The following LOC128462377 variants were observed in gnomAD, a reference collection of about 807,000 sequenced individuals.
chr16:89,317,884 C>T, the LOC128462377 span, among the ~76,000 whole-genome samples: 1 of 152,194 alleles, frequency 6.6e-6, no homozygotes, highest in East Asian at 1.9e-4. Context: ...CCCATGCAAC[C>T]CAATCACCTT....
At chr16:89,417,236 G>A in the LOC128462377 span, among the ~76,000 whole-genome samples, 1 of 152,180 alleles carries the variant, frequency 6.6e-6, no homozygotes, top group African/African-American at 2.4e-5. Flanking sequence ...TGAAGCTCCC[G>A]AAAGAAGCTG....
the LOC128462377 span, among the ~76,000 whole-genome samples, chr16:89,338,267 T>C: frequency 6.6e-6 from 1 of 152,042 alleles, no homozygotes; most frequent in African/African-American, 2.4e-5. Context: ...CGCCACACTG[T>C]GTCCTCCAGG....
At chr16:89,390,758 A>G in the LOC128462377 span, among the ~76,000 whole-genome samples, 1 of 152,208 alleles carries the variant, frequency 6.6e-6, no homozygotes, top group East Asian at 1.9e-4. Context: ...AATCTTTCAA[A>G]AACAATGCTG....
chr16:89,358,866 C>A, the LOC128462377 span, among the ~76,000 whole-genome samples: 1 of 152,030 alleles, frequency 6.6e-6, no homozygotes, highest in African/African-American at 2.4e-5. Flanking sequence ...CCCTCTGCTG[C>A]CCAGGCTGGA....
the LOC128462377 span, among the ~76,000 whole-genome samples, chr16:89,354,711 G>A: frequency 1.4e-4 from 21 of 152,284 alleles, no homozygotes; most frequent in Non-Finnish European, 2.4e-4. Context: ...GTGAAACCAC[G>A]TCTCTACTAA....
At chr16:89,384,879 C>CTTTTT in the LOC128462377 span, among the ~76,000 whole-genome samples, 144 of 49,938 alleles carry the variant, frequency 2.9e-3, 21 homozygotes, top group South Asian at 4.8e-3. Flanking sequence ...AAATAGTTTT[C>CTTTTT]TTTTTTTTTT....
chr16:89,340,344 C>G, the LOC128462377 span, among the ~76,000 whole-genome samples: 1 of 152,262 alleles, frequency 6.6e-6, no homozygotes, highest in Non-Finnish European at 1.5e-5. Flanking sequence ...GTGGCACCAT[C>G]TCGGCTCACT....
chr16:89,394,790 T>C, the LOC128462377 span, among the ~76,000 whole-genome samples: 16 of 152,256 alleles, frequency 1.1e-4, no homozygotes, highest in East Asian at 9.6e-4. Flanking sequence ...ATCTCCATAA[T>C]ATATGGCCCC....
chr16:89,378,926 G>A, the LOC128462377 span, among the ~76,000 whole-genome samples: 2 of 151,902 alleles, frequency 1.3e-5, no homozygotes, highest in South Asian at 4.2e-4. Flanking sequence ...TGGGTGGGGC[G>A]AGGTGGGAAG....
chr16:89,322,161 C>G, the LOC128462377 span, among the ~76,000 whole-genome samples: 206 of 152,292 alleles, frequency 1.4e-3, 1 homozygote, highest in Admixed American at 2.1e-3. Context: ...GGCTGGCGCC[C>G]CCAACCCCTG....
chr16:89,407,273 A>G, the LOC128462377 span, among the ~76,000 whole-genome samples: 2 of 152,168 alleles, frequency 1.3e-5, no homozygotes, highest in African/African-American at 4.8e-5. Flanking sequence ...TGACAGAAAA[A>G]GACTCATATT....
chr16:89,392,075 G>A, the LOC128462377 span, among the ~76,000 whole-genome samples: 1 of 152,076 alleles, frequency 6.6e-6, no homozygotes, highest in Admixed American at 6.5e-5. Flanking sequence ...TAAGTTGCTA[G>A]CCAATCGGGA....
chr16:89,415,426 G>A, the LOC128462377 span, among the ~76,000 whole-genome samples: 41 of 150,708 alleles, frequency 2.7e-4, 1 homozygote, highest in African/African-American at 8.4e-4. Flanking sequence ...CACCATGCCC[G>A]GCTAATTTTT....
chr16:89,319,995 G>C, the LOC128462377 span: 2 of 152,422 alleles, frequency 1.3e-5, no homozygotes, highest in Admixed American at 6.5e-5. Flanking sequence ...TGAAATGGCA[G>C]AGCCAGCCGA....
the LOC128462377 span, among the ~76,000 whole-genome samples, chr16:89,405,221 T>C: frequency 6.6e-6 from 1 of 152,122 alleles, no homozygotes; most frequent in Non-Finnish European, 1.5e-5. Context: ...AAAAATCTTG[T>C]GGAAGGAGGT....
At chr16:89,345,768 C>T in the LOC128462377 span, among the ~76,000 whole-genome samples, 37 of 152,096 alleles carry the variant, frequency 2.4e-4, no homozygotes, top group Non-Finnish European at 8.8e-5. Context: ...GCTGTGCACA[C>T]CAGGTACATG....
At chr16:89,360,426 T>C in the LOC128462377 span, 1 of 152,238 alleles carries the variant, frequency 6.6e-6, no homozygotes, top group Admixed American at 6.5e-5. Flanking sequence ...TAAACATTTA[T>C]AATGAATGAC....
chr16:89,376,627 G>A, the LOC128462377 span, among the ~76,000 whole-genome samples: 12 of 152,072 alleles, frequency 7.9e-5, no homozygotes, highest in Middle Eastern at 6.8e-3. Context: ...TAGCAGAGAC[G>A]AGGGTTTCAC....
chr16:89,368,384 T>TTG, the LOC128462377 span, among the ~76,000 whole-genome samples: 2 of 132,820 alleles, frequency 1.5e-5, no homozygotes, highest in African/African-American at 6.1e-5. Flanking sequence ...TTTTTTTTTT[T>TTG]TTTTTTTTTT....
Sources: allele counts gnomAD v4.1 joint callset (sites outside exome capture counted in the v4.1 genomes callset), GRCh38; gene constraint gnomAD v4.1.1; transcripts MANE v1.5.